EHBP1: variants seen among roughly 807,000 people sequenced by gnomAD.
EHBP1 encodes the protein EH domain-binding protein 1.
A neutral mutation model predicts 144.0 loss-of-function variants in EHBP1; 55 were observed. The ratio of observed to expected loss-of-function variants is 0.38; its 90% CI spans 0.31 to 0.48. EHBP1 has a LOEUF of 0.48. Among genes scored for constraint, EHBP1 ranks in the 20% least tolerant of loss-of-function variants. The pLI is 0.98. For synonymous variants in EHBP1, 469 were observed against 472.7 expected (o/e 0.99, Z 0.10); for missense variants, 1,200 against 1,364.2 (o/e 0.88, Z 1.90).
chr2:62,809,863 C>G (rs986932030), intron 5 of EHBP1, among the ~76,000 whole-genome samples: 1 of 152,056 alleles, frequency 6.6e-6, no homozygotes, highest in Non-Finnish European at 1.5e-5. Context: ...TTTTTTTTTG[C>G]TGTCCTGTAC....
At chr2:62,826,445 C>T in intron 6 of EHBP1, 177 bp downstream of exon 6, 1 of 512,820 alleles carries the variant, frequency 1.9e-6, no homozygotes, top group Middle Eastern at 5.4e-4. Context: ...TCTCTTTTGA[C>T]TCCAGAGAAT....
chr2:62,848,734 A>G (rs1437948260), intron 7 of EHBP1, among the ~76,000 whole-genome samples: 2 of 152,246 alleles, frequency 1.3e-5, no homozygotes, highest in Non-Finnish European at 2.9e-5. Flanking sequence ...AACTATTTTA[A>G]TAAACATTAA....
intron 19 of EHBP1, among the ~76,000 whole-genome samples, chr2:63,003,884 T>C (rs1195134356): frequency 6.6e-6 from 1 of 152,104 alleles, no homozygotes; most frequent in Non-Finnish European, 1.5e-5. Context: ...GGAGTTAAAA[T>C]ATTTAGGAGA....
chr2:63,036,298 A>G (rs1299330308), intron 19 of EHBP1, among the ~76,000 whole-genome samples: 1 of 152,074 alleles, frequency 6.6e-6, no homozygotes, highest in Non-Finnish European at 1.5e-5. Flanking sequence ...ATGAGCTTTT[A>G]TGTGAAAGAA....
chr2:62,965,720 T>C (rs999752045), intron 14 of EHBP1, among the ~76,000 whole-genome samples: 5 of 152,196 alleles, frequency 3.3e-5, no homozygotes, highest in Admixed American at 6.5e-5. Flanking sequence ...AAGATCAAAG[T>C]GTTTCTCCAA....
At chr2:62,730,247 A>G (rs185904816) in intron 2 of EHBP1, among the ~76,000 whole-genome samples, 43 of 152,138 alleles carry the variant, frequency 2.8e-4, no homozygotes, top group Non-Finnish European at 5.1e-4. Context: ...CCACCGTTAT[A>G]GTATCATACA....
chr2:62,743,359 T>C (rs1282025346), intron 2 of EHBP1, among the ~76,000 whole-genome samples: 2 of 152,118 alleles, frequency 1.3e-5, no homozygotes, highest in Non-Finnish European at 2.9e-5. Flanking sequence ...TCCTGAGATA[T>C]TTATAAATAG....
intron 19 of EHBP1, among the ~76,000 whole-genome samples, chr2:62,998,161 T>C (rs1239875863): frequency 1.3e-5 from 2 of 152,190 alleles, no homozygotes; most frequent in Non-Finnish European, 2.9e-5. Flanking sequence ...GAATTCAGGC[T>C]ACCAGAGCCC....
At position 62,707,132 on chromosome 2, in the gene EHBP1, G is replaced by C. The variant is rs1017953775; in HGVS notation, c.-60G>C. ...AAAGTTCCTTTGCTTTGGACCCTCTGCATTATTAAAGCTGCTGTATTGCTA... is the reference window on the plus strand; with the variant it reads ...AAAGTTCCTTTGCTTTGGACCCTCTCCATTATTAAAGCTGCTGTATTGCTA... On this transcript the variant is annotated 5_prime_UTR_variant, in exon 2 of 23. Transcript: ENST00000431489. 2.2e-5 allele frequency: 29 copies of C among 1,321,958 alleles called. No homozygotes were observed. The highest frequency in any genetic ancestry group is 3.2e-5 in the Non-Finnish European group (29 of 914,718). The allele number at this position is 1,321,958 out of a possible 1,614,324, so 81.9% of individuals were successfully genotyped here.
intron 5 of EHBP1, among the ~76,000 whole-genome samples, chr2:62,809,292 GA>G (rs985494969): frequency 0.023 from 1,057 of 46,574 alleles, 2 homozygotes; most frequent in Non-Finnish European, 0.039. Flanking sequence ...CTATGTCTCA[GA>G]AAAAAAAAAA....
At chr2:62,986,630 G>A (rs1242052608) in intron 15 of EHBP1, among the ~76,000 whole-genome samples, 1 of 151,634 alleles carries the variant, frequency 6.6e-6, no homozygotes, top group African/African-American at 2.4e-5. Context: ...GTGGTGATGG[G>A]GTTTCACCAT....
chr2:63,014,764 G>A (rs2060414895), intron 19 of EHBP1, among the ~76,000 whole-genome samples: 1 of 152,246 alleles, frequency 6.6e-6, no homozygotes, highest in Non-Finnish European at 1.5e-5. Context: ...GATCACCTGA[G>A]GTCGGGAGTT....
At chr2:62,888,760 T>A (rs17407696) in intron 10 of EHBP1, among the ~76,000 whole-genome samples, 12,055 of 152,272 alleles carry the variant, frequency 0.079, 626 homozygotes, top group Non-Finnish European at 0.11. Flanking sequence ...AAGGAAGCAC[T>A]GGTTAGCTCA....
At chr2:63,011,274 AT>A (rs1285918245) in intron 19 of EHBP1, among the ~76,000 whole-genome samples, 1 of 151,894 alleles carries the variant, frequency 6.6e-6, no homozygotes, top group Non-Finnish European at 1.5e-5. Context: ...ATTGTTGGTC[AT>A]TTGTGAAAAA....
At chr2:62,875,582 G>T (rs1351224713) in intron 10 of EHBP1, among the ~76,000 whole-genome samples, 1 of 152,158 alleles carries the variant, frequency 6.6e-6, no homozygotes, top group Non-Finnish European at 1.5e-5. Context: ...CAAAAACCCA[G>T]TGTCTTCTTA....
At chr2:62,760,252 C>T (rs1328874263) in intron 3 of EHBP1, among the ~76,000 whole-genome samples, 2 of 152,166 alleles carry the variant, frequency 1.3e-5, no homozygotes, top group Non-Finnish European at 2.9e-5. Flanking sequence ...CTGGCCCTGA[C>T]TGTACTCATT....
chr2:62,681,033 C>T (rs556171216), intron 1 of EHBP1, among the ~76,000 whole-genome samples: 17 of 151,944 alleles, frequency 1.1e-4, no homozygotes, highest in Admixed American at 9.8e-4. Context: ...CAAAAAATGG[C>T]CGGGCGTGAT....
intron 14 of EHBP1, among the ~76,000 whole-genome samples, chr2:62,969,719 A>G (rs2058411516): frequency 6.6e-6 from 1 of 152,168 alleles, no homozygotes; most frequent in African/African-American, 2.4e-5. Context: ...CTTGAGAAAG[A>G]TTTTGACTTT....
chr2:62,922,970 A>G (rs1240720056), intron 10 of EHBP1, among the ~76,000 whole-genome samples: 1 of 152,190 alleles, frequency 6.6e-6, no homozygotes, highest in African/African-American at 2.4e-5. Context: ...GCTACCAGGA[A>G]ATCATGCAGC....
Sources: allele counts gnomAD v4.1 joint callset (sites outside exome capture counted in the v4.1 genomes callset), GRCh38; gene constraint gnomAD v4.1.1; transcripts MANE v1.5; gene names NCBI Gene and HGNC (gene_info 2026-07-23, HGNC 2026-07-21).